Variants in ARHGAP29 observed in about 807,000 individuals in gnomAD.
The protein encoded by ARHGAP29 is Rho GTPase activating protein 29.
Under a neutral mutation model 122.6 loss-of-function variants are expected in ARHGAP29, and 43 were observed. The ratio of observed to expected loss-of-function variants is 0.35; its 90% CI spans 0.27 to 0.45. The LOEUF is 0.45. Among genes scored for constraint, ARHGAP29 ranks in the 20% least tolerant of loss-of-function variants. ARHGAP29 has a pLI of 1.00. For missense variants in ARHGAP29, 1,303 were observed against 1,477.2 expected (o/e 0.88, Z 1.93); for synonymous variants, 506 against 497.1 (o/e 1.02, Z -0.24).
chr1:94,212,245 G>C (rs749406348), intron 3 of ARHGAP29, among the ~76,000 whole-genome samples: 1 of 151,956 alleles, frequency 6.6e-6, no homozygotes, highest in African/African-American at 2.4e-5. Flanking sequence ...GTGACAGAGC[G>C]AGACTCCATC....
intron 19 of ARHGAP29, among the ~76,000 whole-genome samples, chr1:94,182,087 A>C (rs1390483035): frequency 1.1e-5 from 1 of 89,536 alleles, no homozygotes; most frequent in Non-Finnish European, 2.3e-5. Flanking sequence ...CTAGAGAATA[A>C]GCCAAGAATC....
At chr1:94,261,395 G>A (rs139029879) in intron 1 of ARHGAP29, among the ~76,000 whole-genome samples, 1 of 152,236 alleles carries the variant, frequency 6.6e-6, no homozygotes, top group African/African-American at 2.4e-5. Context: ...GCTTTACTGT[G>A]TTATGCGTGC....
upstream of ARHGAP29, among the ~76,000 whole-genome samples, chr1:94,240,460 A>G (rs1653533233): frequency 6.6e-6 from 1 of 152,234 alleles, no homozygotes; most frequent in South Asian, 2.1e-4. Context: ...ACACAAATAC[A>G]CTTTAAATAT....
At chr1:94,201,506 TTC>T (rs111304569) in intron 12 of ARHGAP29, among the ~76,000 whole-genome samples, 9 of 141,298 alleles carry the variant, frequency 6.4e-5, no homozygotes, top group African/African-American at 2.4e-4. Context: ...CCTTCCTTCC[TTC>T]TCTCTCTCTC....
chr1:94,215,787 TA>T (rs1237542630), intron 3 of ARHGAP29, among the ~76,000 whole-genome samples: 1 of 151,700 alleles, frequency 6.6e-6, no homozygotes, highest in Non-Finnish European at 1.5e-5. Context: ...AAAAATGAAG[TA>T]AAAAAAATTT....
upstream of ARHGAP29, among the ~76,000 whole-genome samples, chr1:94,278,736 T>G (rs1655264547): frequency 6.6e-6 from 1 of 152,234 alleles, no homozygotes; most frequent in African/African-American, 2.4e-5. Context: ...CTGAGGTCCC[T>G]CAGGATACAT....
the ARHGAP29 span, among the ~76,000 whole-genome samples, chr1:94,304,263 C>CT: frequency 6.6e-6 from 1 of 152,236 alleles, no homozygotes; most frequent in South Asian, 2.1e-4. Context: ...CCTCAGCCTC[C>CT]TGAGTATCTG....
At position 94,177,842 on chromosome 1, in the gene ARHGAP29, T is replaced by C. The variant is rs1488240517; in HGVS notation, c.2796+10A>G. ...AAGTTCTAATATAATTCTATAAAGG[T>C]CAAACTCACTTCCTTTGAAGAAAAA... On this transcript the variant is annotated intron_variant, in intron 21 of 22. Transcript: ENST00000260526. 6.2e-6 allele frequency: 10 copies of C among 1,600,454 alleles called. No homozygotes were observed. Among genetic ancestry groups the C allele is most frequent in the Admixed American group, 3.5e-5 (2 of 57,576 alleles).
intron 3 of ARHGAP29, among the ~76,000 whole-genome samples, chr1:94,209,607 A>G (rs1437903613): frequency 6.6e-6 from 1 of 152,208 alleles, no homozygotes; most frequent in Non-Finnish European, 1.5e-5. Flanking sequence ...CACATCTAAA[A>G]ACTGACTCAA....
At chr1:94,258,238 C>T (rs1654434734) in intron 1 of ARHGAP29, among the ~76,000 whole-genome samples, 1 of 152,208 alleles carries the variant, frequency 6.6e-6, no homozygotes, top group African/African-American at 2.4e-5. Context: ...TTCTCTCACT[C>T]TCAGAAGTGT....
intron 1 of ARHGAP29, among the ~76,000 whole-genome samples, chr1:94,264,708 C>G (rs1161609158): frequency 6.6e-6 from 1 of 152,146 alleles, no homozygotes; most frequent in African/African-American, 2.4e-5. Flanking sequence ...ATAGACTTCC[C>G]CAGATGATTT....
rs200473756 is a variant in ARHGAP29, at chr1:94,179,677, C to T, written c.2480+48G>A. 2.8e-5 allele frequency: 26 copies of T among 915,060 alleles called. No individual in the cohort carries two copies. The African/African-American group carries it at 5.0e-4, about 18-fold the overall frequency. 56.7% of individuals were successfully genotyped at this position (915,060 alleles called of 1,614,324 possible). A position where few individuals can be genotyped will look rare whatever the true frequency, so the allele number is the denominator to read the frequency against. ...TTTTACCACAATTAAAAACAAAAAA[C>T]AAATCAATTGCCCATTAATAAATGT... On this transcript the variant is annotated intron_variant, in intron 20 of 22. Transcript: ENST00000260526.
intron 15 of ARHGAP29, among the ~76,000 whole-genome samples, chr1:94,187,286 T>G (rs1557845486): frequency 6.6e-6 from 1 of 152,220 alleles, no homozygotes; most frequent in Non-Finnish European, 1.5e-5. Flanking sequence ...ACGTAAGGCC[T>G]TAAACGTTTC....
chr1:94,281,915 C>T, the ARHGAP29 span, among the ~76,000 whole-genome samples: 13 of 152,190 alleles, frequency 8.5e-5, no homozygotes, highest in East Asian at 2.5e-3. Context: ...CTGCATGGGA[C>T]ATTCTTTGTT....
chr1:94,253,017 C>T (rs1009889349), intron 1 of ARHGAP29, among the ~76,000 whole-genome samples: 2 of 152,054 alleles, frequency 1.3e-5, no homozygotes, highest in Admixed American at 6.6e-5. Flanking sequence ...GTTGCCCAGG[C>T]TGGAGTGCAG....
Position 94,190,015 on chromosome 1 carries a change from G to C in ARHGAP29, c.1350C>G (p.Leu450=). ...GGTCATAGAGTTTGGCACTATCACAGAGAGACTGTAAACTGTCTGCAAGGG... is the reference window on the plus strand; with the variant it reads ...GGTCATAGAGTTTGGCACTATCACACAGAGACTGTAAACTGTCTGCAAGGG... ...AASLADSLQS[L]CDSAKLYDPG... The change falls in exon 13 of 23, where the codon CTC becomes CTG. Residue 450 remains leucine, a synonymous_variant. Coordinates refer to ENST00000260526, the MANE Select transcript of ARHGAP29 (RefSeq NM_004815.4). 1 of 1,613,500 alleles carries C rather than the reference G, an allele frequency of 6.2e-7. No individual in the cohort carries two copies. The highest frequency in any genetic ancestry group is 8.5e-7 in the Non-Finnish European group (1 of 1,179,630).
chr1:94,205,569 T>C, intron 6 of ARHGAP29, 66 bp downstream of exon 6: 1 of 1,407,876 alleles, frequency 7.1e-7, no homozygotes, highest in Non-Finnish European at 9.9e-7. Context: ...AAGAGATTAA[T>C]CCAGGACATT....
In ARHGAP29 at chr1:94,225,995, T is replaced by C. The variant is rs375976301; in HGVS notation, c.205+5412A>G. 1.9e-4 allele frequency among the ~76,000 whole-genome samples: 29 copies of C among 152,124 alleles called. No individual in the cohort carries two copies. In the South Asian group the frequency reaches 3.5e-3, roughly 19 times the overall value. The stretch of plus-strand genomic sequence containing the variant: ...AAGACAGATTAGCCAGCTCCACTTT[T>C]TGTTCTCATGCATTAACAAAATACC... On this transcript the variant is annotated intron_variant, in intron 2 of 22. Coordinates refer to ENST00000260526, the MANE Select transcript of ARHGAP29 (RefSeq NM_004815.4).
chr1:94,228,960 A>G (rs778573656), intron 2 of ARHGAP29, among the ~76,000 whole-genome samples: 1 of 151,868 alleles, frequency 6.6e-6, no homozygotes, highest in Non-Finnish European at 1.5e-5. Context: ...TATTCTTAAG[A>G]GCTGCCTTTT....
Sources: allele counts gnomAD v4.1 joint callset (sites outside exome capture counted in the v4.1 genomes callset), GRCh38; gene constraint gnomAD v4.1.1; transcripts MANE v1.5; gene names NCBI Gene and HGNC (gene_info 2026-07-23, HGNC 2026-07-21).